Variants in TERT observed in about 807,000 individuals in gnomAD.
TERT encodes telomerase catalytic subunit.
Under a neutral mutation model 104.0 loss-of-function variants are expected in TERT, and 42 were observed. The observed-to-expected ratio is 0.40, with a 90% CI of 0.32 to 0.52. The LOEUF (loss-of-function observed/expected upper bound fraction) is 0.52, where lower values mean the gene tolerates loss of function less well. Among genes scored for constraint, TERT ranks in the 20% least tolerant of loss-of-function variants. The pLI is 0.43. For missense variants in TERT, 1,101 were observed against 1,610.3 expected, an observed-to-expected ratio of 0.68 and a Z score of 5.41; for synonymous variants, 781 against 725.6, an observed-to-expected ratio of 1.08 and a Z score of -1.23.
At chr5:1,272,364 G>T in intron 6 of TERT, 84 bp from the exon 7 acceptor site, 1 of 1,215,782 alleles carries the variant, frequency 8.2e-7, no homozygotes, top group African/African-American at 1.5e-5. Context: ...ATCAGGACGT[G>T]TGGACCTGCG....
At position 1,282,631 on chromosome 5, in the gene TERT, C is replaced by T. The variant is rs34846301; in HGVS notation, c.1574-7G>A. On this transcript the variant is annotated splice_polypyrimidine_tract_variant and splice_region_variant and intron_variant, in intron 2 of 15. Coordinates refer to ENST00000310581, the MANE Select transcript of TERT (RefSeq NM_198253.3). ...GCCGGAACACAGCCAACCCCTTAAA[C>T]GAGAAGGACATGCCACATCCAGATC... is the stretch of plus-strand genomic sequence containing the variant. 6.0e-4 allele frequency: 976 copies of T among 1,613,710 alleles called. 3 individuals carry two copies. The highest frequency in any genetic ancestry group is 5.7e-3 in the African/African-American group (425 of 75,040).
rs1751117262 is a variant in TERT at position 1,293,400 on chromosome 5, A to T, written c.1486T>A (p.Ser496Thr). 9 of 1,613,240 alleles carry T rather than the reference A, an allele frequency of 5.6e-6. No individual in the cohort carries two copies. Among genetic ancestry groups the T allele is most frequent in the Non-Finnish European group, 7.6e-6 (9 of 1,179,974 alleles). ...GAGAGCTTGGCATGCTTCCCCAGGGAGATGAACTTCTTGGTGTTCCTGAGG... is the reference window on the plus strand; with the variant it reads ...GAGAGCTTGGCATGCTTCCCCAGGGTGATGAACTTCTTGGTGTTCCTGAGG... ...RFLRNTKKFI[S>T]LGKHAKLSLQ... The change falls in exon 2 of 16, where the codon TCC (serine) becomes ACC (threonine). Residue 496 changes from serine (S) to threonine (T), a missense_variant. Ser to Thr is a moderately conservative substitution (Grantham distance 58). Transcript: ENST00000310581.
chr5:1,279,518 G>C (rs1409580411), intron 4 of TERT, 48 bp from the exon 5 acceptor site: 12 of 1,537,622 alleles, frequency 7.8e-6, no homozygotes, highest in Middle Eastern at 2.3e-4. Flanking sequence ...ATCCGGCCAA[G>C]TGCCCACCCC....
At chr5:1,279,168 A>G (rs1749827035) in intron 5 of TERT, 123 bp downstream of exon 5, 1 of 1,152,908 alleles carries the variant, frequency 8.7e-7, no homozygotes, top group African/African-American at 1.6e-5. Context: ...CTCAACAGTG[A>G]CAGGGTCACC....
At chr5:1,271,374 C>T (rs1749022482) in intron 7 of TERT, among the ~76,000 whole-genome samples, 170 bp from the exon 8 acceptor site, 1 of 152,246 alleles carries the variant, frequency 6.6e-6, no homozygotes, top group Admixed American at 6.5e-5. Flanking sequence ...TCTCTGCAGA[C>T]ACACATGGGC....
intron 15 of TERT, 30 bp from the exon 16 acceptor site, chr5:1,253,861 G>C (rs1358144390): frequency 1.9e-6 from 3 of 1,589,500 alleles, no homozygotes; most frequent in African/African-American, 2.7e-5. Flanking sequence ...CTCCGTTCCA[G>C]AAGAGGCCAG....
chr5:1,283,513 A>C (rs1220854122), intron 2 of TERT, among the ~76,000 whole-genome samples: 586 of 66,190 alleles, frequency 8.9e-3, no homozygotes, highest in Middle Eastern at 0.023. Context: ...ATATCCAGCT[A>C]ACCGCAGGGC....
intron 10 of TERT, 34 bp from the exon 11 acceptor site, chr5:1,264,626 CG>C: frequency 6.2e-7 from 1 of 1,611,382 alleles, no homozygotes; most frequent in Non-Finnish European, 8.5e-7. Context: ...CCCCAGGATG[CG>C]GGGCCGTCAC....
rs561777852 is a variant in TERT at position 1,280,854 on chromosome 5, C to T, written c.1770-516G>A. The stretch of plus-strand genomic sequence containing the variant: ...CCACCAGTCTCCTGACACCTCTGCC[C>T]TTTGGCCTTTTCCCCCAAAACCACC... On this transcript the variant is annotated intron_variant, in intron 3 of 15. Coordinates refer to ENST00000310581, the MANE Select transcript of TERT (RefSeq NM_198253.3). Among the ~76,000 whole-genome samples the T allele has an allele frequency of 2.7e-4, 41 of 152,336 alleles. No homozygotes were observed. In the South Asian group the frequency reaches 7.7e-3, roughly 28 times the overall value.
rs1309399887 is a variant in TERT, at chr5:1,272,255, G to A, written c.2312C>T (p.Pro771Leu). 6.2e-7 allele frequency: 1 copy of A among 1,612,418 alleles called. No individual in the cohort carries two copies. The highest frequency in any genetic ancestry group is 8.5e-7 in the Non-Finnish European group (1 of 1,179,774). ...GTGAGCCACGAACTGTCGCATGTAC[G>A]GCTGGAGGTCTGTCAAGGTAGAGAC... ...SHVSTLTDLQ[P>L]YMRQFVAHLQ... is the part of the protein sequence containing the mutation. The change falls in exon 7 of 16, where the codon CCG becomes CTG. Residue 771 changes from proline (P) to leucine (L), a missense_variant. Around this residue, in one of 5 missense-constraint regions of TERT, gnomAD observed 463 missense variants for 797.5 expected, o/e 0.58. Transcript: ENST00000310581.
At position 1,285,565 on chromosome 5, in the gene TERT, A is replaced by ATTTTTTTTTTTTTTTT. The variant is rs1170336173; in HGVS notation, c.1574-2957_1574-2942dup. Among the ~76,000 whole-genome samples the ATTTTTTTTTTTTTTTT allele has an allele frequency of 1.1e-4, 9 of 82,184 alleles. 2 individuals carry two copies. Among genetic ancestry groups the ATTTTTTTTTTTTTTTT allele is most frequent in the African/African-American group, 1.5e-4 (3 of 20,452 alleles). The allele number at this position is 82,184 out of a possible 152,430, so 53.9% of individuals were successfully genotyped here. ...TTACTTTTTTAATGTGGCTACTAGAATTTTTTTTTTTTTTTTTTTTTTTGA... is the reference window on the plus strand; with the variant it reads ...TTACTTTTTTAATGTGGCTACTAGAATTTTTTTTTTTTTTTTTTTTTTTTTTTTTTTTTTTTTTTGA... On this transcript the variant is annotated intron_variant, in intron 2 of 15. Coordinates refer to ENST00000310581, the MANE Select transcript of TERT (RefSeq NM_198253.3).
In TERT at chr5:1,269,164, T is replaced by C. The variant is rs953036700; in HGVS notation, c.2469-531A>G. Among the ~76,000 whole-genome samples the C allele has an allele frequency of 1.3e-5, 2 of 151,978 alleles. No individual in the cohort carries two copies. Among genetic ancestry groups the C allele is most frequent in the African/African-American group, 4.8e-5 (2 of 41,356 alleles). On this transcript the variant is annotated intron_variant, in intron 8 of 15. Coordinates refer to ENST00000310581, the MANE Select transcript of TERT (RefSeq NM_198253.3). This position sits in a 1 kb window ranked among gnomAD's most constrained non-coding sequence, Gnocchi z 9.0. ...GAGAGCAGAATAGCCCCGTGGAACC[T>C]AAAGGTGCACACAGAAGGCATGGCT... is the stretch of plus-strand genomic sequence containing the variant.
At chr5:1,278,126 T>A (rs1029004327) in intron 6 of TERT, among the ~76,000 whole-genome samples, 1 of 152,122 alleles carries the variant, frequency 6.6e-6, no homozygotes, top group Non-Finnish European at 1.5e-5. Flanking sequence ...AAACCTGGCT[T>A]ACAGTCTCCA....
intron 7 of TERT, 151 bp from the exon 8 acceptor site, chr5:1,271,355 C>G (rs1026862758): frequency 1.4e-6 from 1 of 710,730 alleles, no homozygotes; most frequent in East Asian, 2.7e-5. Context: ...GTGGGCTGGC[C>G]GGGCCGAGTC....
At position 1,268,737 on chromosome 5, in the gene TERT, A is replaced by G; in HGVS notation, c.2469-104T>C. The stretch of plus-strand genomic sequence containing the variant: ...ACACAGAACCTCATACACACAAACG[A>G]CACGTCTACCATTCAGCCGGCAAAC... On this transcript the variant is annotated intron_variant, in intron 8 of 15. Coordinates refer to ENST00000310581, the MANE Select transcript of TERT (RefSeq NM_198253.3). This position sits in a 1 kb window ranked among gnomAD's most constrained non-coding sequence, Gnocchi z 5.5. 1 of 737,002 alleles carries G rather than the reference A, an allele frequency of 1.4e-6. No individual in the cohort carries two copies. Among genetic ancestry groups the G allele is most frequent in the Non-Finnish European group, 2.4e-6 (1 of 416,570 alleles). 45.7% of individuals were successfully genotyped at this position (737,002 alleles called of 1,614,324 possible).
At chr5:1,267,449 A>G (rs1748688967) in intron 9 of TERT, among the ~76,000 whole-genome samples, 1 of 152,260 alleles carries the variant, frequency 6.6e-6, no homozygotes, top group Non-Finnish European at 1.5e-5. Context: ...ATCTAGAACT[A>G]GAAATACCAT....
chr5:1,264,172 T>G, intron 11 of TERT: 1 of 580,768 alleles, frequency 1.7e-6, no homozygotes, highest in South Asian at 2.0e-5. Flanking sequence ...TGGTGCACCA[T>G]TTCCTTTTAC....
chr5:1,288,243 G>C lies in TERT; in HGVS notation c.1573+5070C>G, dbSNP rs914514533. Among the ~76,000 whole-genome samples the C allele has an allele frequency of 2.6e-5, 4 of 152,300 alleles. No individual in the cohort carries two copies. In the East Asian group the frequency reaches 7.7e-4, roughly 29 times the overall value. On this transcript the variant is annotated intron_variant, in intron 2 of 15. Transcript: ENST00000310581. The surrounding 1 kb of genome is among the most constrained non-coding windows in gnomAD (Gnocchi z 5.3). ...AACACTTGAAAGTGGCTGATGTTGA[G>C]ATTACTTCACATCAAAACACAGGGT...
chr5:1,280,233 G>A lies in TERT; in HGVS notation c.1875C>T (p.Pro625=). 6.2e-7 allele frequency: 1 copy of A among 1,613,922 alleles called. No individual in the cohort carries two copies. The highest frequency in any genetic ancestry group is 8.5e-7 in the Non-Finnish European group (1 of 1,180,038). ...ALLTSRLRFI[P]KPDGLRPIVN... ...CAATCGGCCGCAGCCCGTCAGGCTT[G>A]GGGATGAAGCGGAGTCTGGACGTCA... The change falls in exon 4 of 16, where the codon CCC becomes CCT. Residue 625 remains proline (P), a synonymous_variant. Coordinates refer to ENST00000310581, the MANE Select transcript of TERT (RefSeq NM_198253.3).
Sources: gnomAD v4.1 joint callset for allele counts (sites outside exome capture counted in the v4.1 genomes callset) on GRCh38, gnomAD v4.1.1 for gene constraint, gnomAD v4.1.1 regional missense constraint, Gnocchi (gnomAD v3.1) non-coding constraint, MANE v1.5 for transcripts, NCBI Gene and HGNC (gene_info 2026-07-23, HGNC 2026-07-21) for gene names.